CFAP299: variants seen among roughly 807,000 people sequenced by gnomAD.
CFAP299 encodes the protein cilia- and flagella-associated protein 299.
In CFAP299, 21 loss-of-function variants were observed where a neutral mutation model predicts 27.0. The observed-to-expected ratio is 0.78, with a 90% CI of 0.55 to 1.12. The LOEUF (loss-of-function observed/expected upper bound fraction) is 1.12. Among genes scored for constraint, CFAP299 ranks in the 50% most tolerant of loss-of-function variants. The pLI is 0.00. For missense variants in CFAP299, 310 were observed against 276.6 expected (o/e 1.12, Z -0.86); for synonymous variants, 104 against 98.1 (o/e 1.06, Z -0.36).
chr4:80,711,353 G>A (rs887715974), intron 3 of CFAP299, among the ~76,000 whole-genome samples: 1 of 152,196 alleles, frequency 6.6e-6, no homozygotes, highest in African/African-American at 2.4e-5. Flanking sequence ...GCTGAGACAA[G>A]GTGGACAGTG....
intron 1 of CFAP299, among the ~76,000 whole-genome samples, chr4:80,354,682 C>T (rs369787142): frequency 2.0e-5 from 3 of 152,096 alleles, no homozygotes; most frequent in Admixed American, 1.3e-4. Context: ...CATCCTCCTC[C>T]CTCTGATAGC....
At chr4:80,474,264 A>G (rs2110119524) in intron 2 of CFAP299, among the ~76,000 whole-genome samples, 1 of 152,334 alleles carries the variant, frequency 6.6e-6, no homozygotes, top group Admixed American at 6.5e-5. Context: ...GACAAATAAT[A>G]TTTCTTTTCT....
chr4:80,575,250 G>A (rs11931326), intron 2 of CFAP299, among the ~76,000 whole-genome samples: 17,350 of 151,960 alleles, frequency 0.11, 1,146 homozygotes, highest in South Asian at 0.23. Context: ...TATTGGCATA[G>A]AGTTACTCAT....
intron 3 of CFAP299, among the ~76,000 whole-genome samples, chr4:80,738,362 G>C (rs1275441310): frequency 6.6e-6 from 1 of 152,092 alleles, no homozygotes; most frequent in Non-Finnish European, 1.5e-5. Context: ...ATTTGGGTCT[G>C]TGTCTCTCTT....
At chr4:80,839,691 G>A (rs1402859718) in intron 3 of CFAP299, among the ~76,000 whole-genome samples, 1 of 150,982 alleles carries the variant, frequency 6.6e-6, no homozygotes, top group Non-Finnish European at 1.5e-5. Context: ...TTATCTCAAA[G>A]CCACATTCAC....
At chr4:80,605,534 G>T (rs1461189003) in intron 3 of CFAP299, among the ~76,000 whole-genome samples, 1 of 152,096 alleles carries the variant, frequency 6.6e-6, no homozygotes, top group Non-Finnish European at 1.5e-5. Context: ...TTAAATAAAA[G>T]AAATAGAAGC....
At chr4:80,844,518 T>A (rs576691142) in intron 3 of CFAP299, among the ~76,000 whole-genome samples, 9 of 152,342 alleles carry the variant, frequency 5.9e-5, no homozygotes, top group Admixed American at 1.3e-4. Flanking sequence ...CGATGAGCAT[T>A]TTTTCATGTG....
intron 1 of CFAP299, among the ~76,000 whole-genome samples, chr4:80,347,340 G>A (rs1046495803): frequency 6.6e-6 from 1 of 151,884 alleles, no homozygotes; most frequent in Admixed American, 6.6e-5. Context: ...GAAGGCATCC[G>A]TGTCTTGTGC....
intron 3 of CFAP299, among the ~76,000 whole-genome samples, chr4:80,661,186 T>A (rs1049234443): frequency 5.9e-5 from 9 of 151,814 alleles, no homozygotes; most frequent in Non-Finnish European, 1.0e-4. Flanking sequence ...ATTAATCGGA[T>A]GTGGTTGCGT....
intron 2 of CFAP299, among the ~76,000 whole-genome samples, chr4:80,454,528 C>T (rs186663265): frequency 2.6e-3 from 402 of 152,248 alleles, no homozygotes; most frequent in South Asian, 0.018. Context: ...CACCAGCACT[C>T]GGGCACACAT....
chr4:80,356,948 T>C (rs895684221), intron 1 of CFAP299, among the ~76,000 whole-genome samples: 10 of 152,184 alleles, frequency 6.6e-5, no homozygotes, highest in African/African-American at 2.2e-4. Context: ...CTTTTGCCCA[T>C]TCAGTATGAT....
At chr4:80,489,303 G>A (rs34269363) in intron 2 of CFAP299, among the ~76,000 whole-genome samples, 1 of 151,884 alleles carries the variant, frequency 6.6e-6, no homozygotes, top group Admixed American at 6.6e-5. Context: ...AGCTTCTCAC[G>A]CATTACCTGA....
the CFAP299 span, among the ~76,000 whole-genome samples, chr4:80,326,019 A>G: frequency 1.3e-5 from 2 of 152,208 alleles, no homozygotes; most frequent in Admixed American, 6.5e-5. Flanking sequence ...TTATCTTCCT[A>G]TTTGATGACT....
At chr4:80,399,537 T>C (rs1027708376) in intron 2 of CFAP299, among the ~76,000 whole-genome samples, 3 of 152,104 alleles carry the variant, frequency 2.0e-5, no homozygotes, top group Admixed American at 2.0e-4. Flanking sequence ...TCATGTCCTT[T>C]GTAGGGACAT....
chr4:80,570,082 T>C (rs1311571616), intron 2 of CFAP299, among the ~76,000 whole-genome samples: 1 of 151,990 alleles, frequency 6.6e-6, no homozygotes, highest in African/African-American at 2.4e-5. Flanking sequence ...AGAAGACAGA[T>C]ACATAAAAAC....
At chr4:80,662,032 T>C (rs1340198171) in intron 3 of CFAP299, among the ~76,000 whole-genome samples, 1 of 152,140 alleles carries the variant, frequency 6.6e-6, no homozygotes, top group African/African-American at 2.4e-5. Flanking sequence ...TCAAACCCTG[T>C]CTCCTGATAA....
intron 3 of CFAP299, among the ~76,000 whole-genome samples, chr4:80,585,432 TCTATTA>T (rs1227521456): frequency 6.6e-6 from 1 of 152,204 alleles, no homozygotes; most frequent in East Asian, 1.9e-4. Context: ...CAACATTTGC[TCTATTA>T]CTAAGTTATT....
At chr4:80,904,275 C>T (rs1735073680) in intron 4 of CFAP299, among the ~76,000 whole-genome samples, 1 of 152,072 alleles carries the variant, frequency 6.6e-6, no homozygotes, top group Non-Finnish European at 1.5e-5. Context: ...TAAAATGGTT[C>T]CAGAGTCAAA....
intron 3 of CFAP299, among the ~76,000 whole-genome samples, chr4:80,837,283 A>G (rs1730615109): frequency 6.6e-6 from 1 of 152,040 alleles, no homozygotes; most frequent in African/African-American, 2.4e-5. Flanking sequence ...TTTGTTTTTA[A>G]TATCTCTCTT....
Sources: gnomAD v4.1 joint callset for allele counts (sites outside exome capture counted in the v4.1 genomes callset) on GRCh38, gnomAD v4.1.1 for gene constraint, MANE v1.5 for transcripts, NCBI Gene and HGNC (gene_info 2026-07-23, HGNC 2026-07-21) for gene names.